KCNIP4: variants seen among roughly 807,000 people sequenced by gnomAD.
KCNIP4 encodes the protein potassium voltage-gated channel interacting protein 4, also known as Kv channel-interacting protein 4.
In KCNIP4, 12 loss-of-function variants were observed where a neutral mutation model predicts 34.0. The observed-to-expected ratio is 0.35, with a 90% CI of 0.23 to 0.57. The LOEUF is 0.57. Ranked by LOEUF, KCNIP4 falls within the 20% of genes least tolerant of loss-of-function variation. KCNIP4 has a pLI of 0.83. For missense variants in KCNIP4, 238 were observed against 311.7 expected (o/e 0.76, Z 1.78); for synonymous variants, 124 against 102.2 (o/e 1.21, Z -1.29).
intron 1 of KCNIP4, among the ~76,000 whole-genome samples, chr4:21,533,049 C>T (rs1208563216): frequency 1.3e-5 from 2 of 151,346 alleles, no homozygotes; most frequent in Non-Finnish European, 2.9e-5. Context: ...CACCTGCCAG[C>T]CAGAACCAAC....
At chr4:21,340,607 A>G (rs1178426128) in intron 1 of KCNIP4, among the ~76,000 whole-genome samples, 1 of 152,096 alleles carries the variant, frequency 6.6e-6, no homozygotes, top group African/African-American at 2.4e-5. Context: ...AAAGGGCATA[A>G]ACATTTCAGA....
intron 1 of KCNIP4, among the ~76,000 whole-genome samples, chr4:21,880,842 T>G (rs1392599600): frequency 6.6e-6 from 1 of 152,182 alleles, no homozygotes; most frequent in East Asian, 1.9e-4. Flanking sequence ...ATGCTAACAA[T>G]GTATGCAACT....
At chr4:20,825,344 T>G (rs1717629928) in intron 3 of KCNIP4, among the ~76,000 whole-genome samples, 1 of 150,262 alleles carries the variant, frequency 6.7e-6, no homozygotes, top group Non-Finnish European at 1.5e-5. Flanking sequence ...AGAGAGATGA[T>G]GTAGGCATGA....
chr4:21,423,345 T>C (rs1725652543), intron 1 of KCNIP4, among the ~76,000 whole-genome samples: 1 of 152,250 alleles, frequency 6.6e-6, no homozygotes, highest in Admixed American at 6.5e-5. Context: ...CTATTGCTAC[T>C]AACATTGCAA....
intron 1 of KCNIP4, among the ~76,000 whole-genome samples, chr4:21,230,187 G>C (rs1240327995): frequency 6.6e-6 from 1 of 152,070 alleles, no homozygotes; most frequent in Non-Finnish European, 1.5e-5. Flanking sequence ...GCAGCTATCA[G>C]CCAAGAAATG....
At chr4:21,528,747 GA>G (rs1191065356) in intron 1 of KCNIP4, among the ~76,000 whole-genome samples, 1 of 7,900 alleles carries the variant, frequency 1.3e-4, no homozygotes, top group African/African-American at 6.1e-4. Context: ...AAGAAAGAAA[GA>G]AAGAAAGAAA....
At chr4:21,755,529 T>C (rs1441560095) in intron 1 of KCNIP4, among the ~76,000 whole-genome samples, 1 of 152,160 alleles carries the variant, frequency 6.6e-6, no homozygotes, top group Non-Finnish European at 1.5e-5. Context: ...TCAGGAACAA[T>C]GGTCCCTAAT....
intron 1 of KCNIP4, among the ~76,000 whole-genome samples, chr4:21,665,410 A>T (rs1748773059): frequency 6.6e-6 from 1 of 152,098 alleles, no homozygotes. Context: ...GTAGTAGGTG[A>T]TATATTGCTA....
intron 1 of KCNIP4, among the ~76,000 whole-genome samples, chr4:21,514,749 C>T (rs1560475280): frequency 6.6e-6 from 1 of 152,158 alleles, no homozygotes; most frequent in Non-Finnish European, 1.5e-5. Flanking sequence ...GACTCTCTCT[C>T]AATTAGATAT....
intron 1 of KCNIP4, among the ~76,000 whole-genome samples, chr4:21,588,476 G>A (rs777580437): frequency 2.0e-5 from 3 of 151,954 alleles, no homozygotes; most frequent in Non-Finnish European, 1.5e-5. Flanking sequence ...CTCCTTCTCC[G>A]ATGGTTTGTA....
intron 1 of KCNIP4, among the ~76,000 whole-genome samples, chr4:20,885,935 A>T (rs1250618902): frequency 6.6e-6 from 1 of 152,114 alleles, no homozygotes; most frequent in African/African-American, 2.4e-5. Context: ...CAGTTCAATA[A>T]CTTTTTGAGG....
intron 1 of KCNIP4, among the ~76,000 whole-genome samples, chr4:21,715,292 C>T (rs1205865576): frequency 4.6e-5 from 7 of 151,604 alleles, no homozygotes; most frequent in East Asian, 2.0e-4. Context: ...CCATCATGCC[C>T]GGCTAATTTT....
At chr4:21,539,683 A>G (rs1304164955) in intron 1 of KCNIP4, among the ~76,000 whole-genome samples, 1 of 152,106 alleles carries the variant, frequency 6.6e-6, no homozygotes, top group East Asian at 1.9e-4. Context: ...TATGCTGTGT[A>G]AGAATTCTTT....
At chr4:21,391,056 G>A (rs1316553291) in intron 1 of KCNIP4, among the ~76,000 whole-genome samples, 1 of 151,978 alleles carries the variant, frequency 6.6e-6, no homozygotes, top group East Asian at 1.9e-4. Flanking sequence ...TCATTTTCTT[G>A]ACAGCAGATC....
chr4:21,499,209 T>A (rs1733100408), intron 1 of KCNIP4, among the ~76,000 whole-genome samples: 1 of 151,660 alleles, frequency 6.6e-6, no homozygotes, highest in Non-Finnish European at 1.5e-5. Flanking sequence ...CATGCGCCTG[T>A]AATCCCAGCT....
Position 21,621,413 on chromosome 4 carries a change from G to C in KCNIP4, c.61+327158C>G, listed in dbSNP as rs188323637. 4.9e-4 allele frequency among the ~76,000 whole-genome samples: 75 copies of C among 152,282 alleles called. No homozygotes were observed. In the East Asian group the frequency reaches 8.5e-3, roughly 17 times the overall value. ...GTCTTGCTCTATCACCCAGGCTGGA[G>C]TGACGTGGTGTGAACATGCCTCACT... On this transcript the variant is annotated intron_variant, in intron 1 of 8. Transcript: ENST00000382152.
chr4:20,915,873 G>T (rs1728761220), intron 1 of KCNIP4, among the ~76,000 whole-genome samples: 2 of 152,134 alleles, frequency 1.3e-5, no homozygotes, highest in South Asian at 2.1e-4. Flanking sequence ...CAATCAATGA[G>T]ATTAAATGTT....
intron 1 of KCNIP4, among the ~76,000 whole-genome samples, chr4:21,915,305 G>C (rs928699944): frequency 7.9e-5 from 12 of 152,114 alleles, no homozygotes; most frequent in African/African-American, 2.9e-4. Context: ...AGGTAAAAAA[G>C]AGTGACACAC....
intron 1 of KCNIP4, among the ~76,000 whole-genome samples, chr4:21,040,544 C>T (rs1054709639): frequency 5.9e-5 from 9 of 152,154 alleles, no homozygotes; most frequent in African/African-American, 2.2e-4. Context: ...TTTTAAAGTG[C>T]ATTTTGTTTT....
Sources: allele counts gnomAD v4.1 joint callset (sites outside exome capture counted in the v4.1 genomes callset), GRCh38; gene constraint gnomAD v4.1.1; transcripts MANE v1.5; gene names NCBI Gene and HGNC (gene_info 2026-07-23, HGNC 2026-07-21).